The following TGFBR2 variants were observed in gnomAD, a reference collection of about 807,000 sequenced individuals.
TGFBR2 encodes TGF-beta receptor type-2.
Under a neutral mutation model 49.0 loss-of-function variants are expected in TGFBR2, and 18 were observed. That is an observed-to-expected ratio of 0.37 (90% CI 0.25 to 0.54). TGFBR2 has a LOEUF of 0.54. TGFBR2 is among the 20% of genes least tolerant of loss of function. The pLI, the probability that TGFBR2 is intolerant of heterozygous loss-of-function variation, is 0.85. For synonymous variants in TGFBR2, 282 were observed against 275.9 expected (o/e 1.02, Z -0.22); for missense variants, 525 against 722.6 (o/e 0.73, Z 3.13).
chr3:30,687,084 A>T (rs1421667413), intron 5 of TGFBR2, among the ~76,000 whole-genome samples: 2 of 152,248 alleles, frequency 1.3e-5, no homozygotes, highest in South Asian at 2.1e-4. Flanking sequence ...ATTAAATAAA[A>T]TATGGTATAT....
At chr3:30,651,764 C>G (rs1200224137) in intron 3 of TGFBR2, among the ~76,000 whole-genome samples, 1 of 152,196 alleles carries the variant, frequency 6.6e-6, no homozygotes, top group African/African-American at 2.4e-5. Context: ...TGAATAAGCA[C>G]TACTAAACTA....
intron 1 of TGFBR2, among the ~76,000 whole-genome samples, chr3:30,631,319 C>T (rs1046090250): frequency 9.9e-5 from 15 of 152,072 alleles, no homozygotes; most frequent in Non-Finnish European, 1.5e-4. Context: ...GGATTACAGG[C>T]GTGAGCCACC....
intron 3 of TGFBR2, among the ~76,000 whole-genome samples, chr3:30,662,936 TGA>T (rs1284002744): frequency 2.6e-5 from 4 of 152,220 alleles, no homozygotes; most frequent in African/African-American, 9.6e-5. Context: ...AATGAATCAC[TGA>T]GAGAACTTTT....
chr3:30,634,475 A>G (rs1300989484), intron 1 of TGFBR2, among the ~76,000 whole-genome samples: 1 of 152,210 alleles, frequency 6.6e-6, no homozygotes, highest in Non-Finnish European at 1.5e-5. Flanking sequence ...TGAGGAAAGG[A>G]CCATGTCTTA....
At chr3:30,643,447 T>C (rs1461621959) in intron 1 of TGFBR2, among the ~76,000 whole-genome samples, 1 of 152,174 alleles carries the variant, frequency 6.6e-6, no homozygotes. Context: ...GGGAATGGGG[T>C]GTTACACCTT....
In TGFBR2 at chr3:30,651,569, G is replaced by A. The variant is rs192010942; in HGVS notation, c.454+1109G>A. Among the ~76,000 whole-genome samples the A allele has an allele frequency of 2.9e-3, 442 of 152,240 alleles. 3 individuals are homozygous for A. Among genetic ancestry groups the A allele is most frequent in the African/African-American group, 0.01 (427 of 41,524 alleles). ...ACTGTACATCTTTTAATTTAGTCTC[G>A]AATTTCATATTATCTCCCACGATGG... On this transcript the variant is annotated intron_variant, in intron 3 of 6. Transcript: ENST00000295754.
chr3:30,607,815 A>AT (rs1266891584), intron 1 of TGFBR2, among the ~76,000 whole-genome samples: 7 of 136,188 alleles, frequency 5.1e-5, no homozygotes, highest in Non-Finnish European at 1.1e-4. Flanking sequence ...TATATATATT[A>AT]TATATATATA....
chr3:30,617,193 A>G (rs1698148320), intron 1 of TGFBR2, among the ~76,000 whole-genome samples: 2 of 152,140 alleles, frequency 1.3e-5, no homozygotes, highest in African/African-American at 2.4e-5. Flanking sequence ...TTTGCAACAG[A>G]TTGGCAGTTT....
chr3:30,661,578 G>A (rs1233525699), intron 3 of TGFBR2: 2 of 516,092 alleles, frequency 3.9e-6, no homozygotes, highest in African/African-American at 3.9e-5. Flanking sequence ...GATTGCAAAG[G>A]AGCACTTGTC....
chr3:30,606,746 A>T lies in TGFBR2; in HGVS notation c.-138A>T. The T allele has an allele frequency of 1.8e-6, 1 of 566,852 alleles. No individual in the cohort carries two copies. The highest frequency in any genetic ancestry group is 3.5e-5 in the East Asian group (1 of 28,490). The allele number at this position is 566,852 out of a possible 1,614,324, so 35.1% of individuals were successfully genotyped here. ...CCCTCCTGGCTGGCGAGCGGGCGCC[A>T]CATCTGGCCCGCACATCTGCGCTGC... On this transcript the variant is annotated 5_prime_UTR_variant, in exon 1 of 7. Coordinates refer to ENST00000295754, the MANE Select transcript of TGFBR2 (RefSeq NM_003242.6).
intron 1 of TGFBR2, among the ~76,000 whole-genome samples, chr3:30,643,627 C>A (rs1698681680): frequency 6.6e-6 from 1 of 152,214 alleles, no homozygotes; most frequent in Admixed American, 6.5e-5. Flanking sequence ...CAAACATGGA[C>A]TCCTTGTATT....
rs771983813 is a variant in TGFBR2 at position 30,645,491 on chromosome 3, C to CT, written c.263+588dup. Reference sequence around the variant, plus strand: ...TCTCTCAGCTCAGAACTACATATTTCTTTTTTTTTTTTGAGATGGAGTCTT... The same window carrying CT: ...TCTCTCAGCTCAGAACTACATATTTCTTTTTTTTTTTTTGAGATGGAGTCTT... On this transcript the variant is annotated intron_variant, in intron 2 of 6. Coordinates refer to ENST00000295754, the MANE Select transcript of TGFBR2 (RefSeq NM_003242.6). Among the ~76,000 whole-genome samples the CT allele has an allele frequency of 1.2e-3, 160 of 136,336 alleles. 2 individuals carry two copies. Among genetic ancestry groups the CT allele is most frequent in the South Asian group, 1.6e-3 (7 of 4,280 alleles). The allele number at this position is 136,336 out of a possible 152,430, so 89.4% of individuals were successfully genotyped here. A position where few individuals can be genotyped will look rare whatever the true frequency, so the allele number is the denominator to read the frequency against.
intron 6 of TGFBR2, among the ~76,000 whole-genome samples, chr3:30,688,969 G>T (rs1699667890): frequency 6.6e-6 from 1 of 152,226 alleles, no homozygotes; most frequent in African/African-American, 2.4e-5. Flanking sequence ...CATGCAGAAG[G>T]CTGTGTACAG....
At chr3:30,608,084 G>A (rs1200212654) in intron 1 of TGFBR2, among the ~76,000 whole-genome samples, 4 of 151,574 alleles carry the variant, frequency 2.6e-5, no homozygotes, top group Non-Finnish European at 5.9e-5. Context: ...GATTACAGGC[G>A]CGTGCCACCA....
chr3:30,678,319 G>A lies in TGFBR2; in HGVS notation c.1396+4073G>A, dbSNP rs947632968. On this transcript the variant is annotated intron_variant, in intron 5 of 6. Transcript: ENST00000295754. ...TCCCAACACTTTGGGAAGCCGAGGC[G>A]GGTGGATCATGAGGTCAGGAGATCG... Among the ~76,000 whole-genome samples the A allele has an allele frequency of 2.0e-5, 3 of 152,160 alleles. No homozygotes were observed. The Middle Eastern group carries it at 0.01, about 518-fold the overall frequency.
chr3:30,626,507 G>C (rs1698334626), intron 1 of TGFBR2: 1 of 152,258 alleles, frequency 6.6e-6, no homozygotes, highest in Non-Finnish European at 1.5e-5. Context: ...TTGTTCACTT[G>C]TTAGCCCCAG....
At chr3:30,641,904 T>C (rs1371153258) in intron 1 of TGFBR2, among the ~76,000 whole-genome samples, 1 of 151,648 alleles carries the variant, frequency 6.6e-6, no homozygotes, top group Non-Finnish European at 1.5e-5. Flanking sequence ...TTTCCCTTCC[T>C]CCCTTCCTTC....
rs750562738 is a variant in TGFBR2, at chr3:30,644,920, G to A, written c.263+5G>A. 6.2e-7 allele frequency: 1 copy of A among 1,613,588 alleles called. No individual in the cohort carries two copies. The highest frequency in any genetic ancestry group is 8.5e-7 in the Non-Finnish European group (1 of 1,179,546). On this transcript the variant is annotated splice_donor_5th_base_variant and intron_variant, in intron 2 of 6. Coordinates refer to ENST00000295754, the MANE Select transcript of TGFBR2 (RefSeq NM_003242.6). ...GGAAGTCTGTGTGGCTGTATGGTAA[G>A]CAAGCCTTTTAAGAAGTTATTCTTT...
At chr3:30,683,798 G>A (rs993891681) in intron 5 of TGFBR2, among the ~76,000 whole-genome samples, 2 of 152,168 alleles carry the variant, frequency 1.3e-5, no homozygotes, top group African/African-American at 2.4e-5. Flanking sequence ...AGTGTCAAAG[G>A]TCTCAGGCCA....
Sources: allele counts gnomAD v4.1 joint callset (sites outside exome capture counted in the v4.1 genomes callset), GRCh38; gene constraint gnomAD v4.1.1; transcripts MANE v1.5; gene names NCBI Gene and HGNC (gene_info 2026-07-23, HGNC 2026-07-21).